FGD5: variants seen among roughly 807,000 people sequenced by gnomAD.
FGD5 encodes FYVE, RhoGEF and PH domain containing 5, also known as FYVE, RhoGEF and PH domain-containing protein 5.
FGD5 carries 28 observed loss-of-function variants against 133.4 expected under a neutral mutation model. The ratio of observed to expected loss-of-function variants is 0.21; its 90% CI spans 0.16 to 0.29. FGD5 has a LOEUF of 0.29. FGD5 is among the 10% of genes least tolerant of loss of function. FGD5 has a pLI of 1.00. For synonymous variants in FGD5, 810 were observed against 776.5 expected (o/e 1.04, Z -0.72); for missense variants, 1,858 against 1,895.2 (o/e 0.98, Z 0.36).
intron 11 of FGD5, among the ~76,000 whole-genome samples, chr3:14,914,062 C>T (rs1349465541): frequency 6.6e-6 from 1 of 152,190 alleles, no homozygotes; most frequent in Non-Finnish European, 1.5e-5. Flanking sequence ...AAGCTGGGTC[C>T]TCTTCTTCCT....
chr3:14,869,167 G>A (rs2037557123), intron 2 of FGD5, among the ~76,000 whole-genome samples: 1 of 152,142 alleles, frequency 6.6e-6, no homozygotes, highest in African/African-American at 2.4e-5. Context: ...GGTGGCACGT[G>A]CCTGTAGTCC....
In FGD5 at chr3:14,886,936, A is replaced by G. The variant is rs189112784; in HGVS notation, c.2748+6164A>G. ...AGTCCTTTTAAATTTACTTAAATGT[A>G]TTTTATGGCCCAGCATACGCCCTAG... On this transcript the variant is annotated intron_variant, in intron 4 of 19. Coordinates refer to ENST00000285046, the MANE Select transcript of FGD5 (RefSeq NM_152536.4). Among the ~76,000 whole-genome samples, 22 of 152,282 alleles carry G rather than the reference A, an allele frequency of 1.4e-4. No individual in the cohort carries two copies. The East Asian group carries it at 4.2e-3, about 29-fold the overall frequency.
Position 14,933,247 on chromosome 3 carries a change from TC to T in FGD5, c.*81del. On this transcript the variant is annotated 3_prime_UTR_variant, in exon 20 of 20. Coordinates refer to ENST00000285046, the MANE Select transcript of FGD5 (RefSeq NM_152536.4). ...TTTAGAAGCTAAGCTGTGGCTCAAC[TC>T]ATCCGGACACACACCTGGATTCAGC... The T allele has an allele frequency of 6.6e-7, 1 of 1,504,216 alleles. No homozygotes were observed. Among genetic ancestry groups the T allele is most frequent in the Non-Finnish European group, 9.1e-7 (1 of 1,095,470 alleles). 93.2% of individuals were successfully genotyped at this position (1,504,216 alleles called of 1,614,324 possible). A position where few individuals can be genotyped will look rare whatever the true frequency, so the allele number is the denominator to read the frequency against.
chr3:14,924,261 T>TC, intron 17 of FGD5, 123 bp downstream of exon 17: 1 of 1,446,134 alleles, frequency 6.9e-7, no homozygotes, highest in South Asian at 1.2e-5. Flanking sequence ...GACAGAGCAT[T>TC]CCTAATGGAA....
At chr3:14,928,483 G>T (rs945288412) in intron 18 of FGD5, among the ~76,000 whole-genome samples, 1 of 152,166 alleles carries the variant, frequency 6.6e-6, no homozygotes, top group African/African-American at 2.4e-5. Context: ...GGTGGCTCAT[G>T]CCTGTAATCC....
At chr3:14,877,855 T>G (rs1418297322) in intron 2 of FGD5, among the ~76,000 whole-genome samples, 1 of 152,050 alleles carries the variant, frequency 6.6e-6, no homozygotes, top group Non-Finnish European at 1.5e-5. Flanking sequence ...ATTGTCACAG[T>G]GGGGGTTGAG....
At position 14,819,918 on chromosome 3, in the gene FGD5, A is replaced by G. The variant is rs908802354; in HGVS notation, c.847A>G (p.Thr283Ala). 1.2e-6 allele frequency: 2 copies of G among 1,613,914 alleles called. No individual in the cohort carries two copies. Among genetic ancestry groups the G allele is most frequent in the Non-Finnish European group, 1.7e-6 (2 of 1,179,886 alleles). The change falls in exon 1 of 20, where the codon ACG (threonine) becomes GCG (alanine). Residue 283 changes from threonine to alanine, a missense_variant. Transcript: ENST00000285046. The surrounding 1 kb of genome is among the most constrained non-coding windows in gnomAD (Gnocchi z 4.1). ...EVLEEGCEEA[T>A]GVTGGEQVDL... ...TCTTGAGGAGGGATGTGAAGAGGCCACGGGTGTCACAGGTGGGGAACAGGT... is the reference window on the plus strand; with the variant it reads ...TCTTGAGGAGGGATGTGAAGAGGCCGCGGGTGTCACAGGTGGGGAACAGGT...
chr3:14,842,818 G>C (rs1338549428), intron 1 of FGD5, among the ~76,000 whole-genome samples: 2 of 152,186 alleles, frequency 1.3e-5, no homozygotes, highest in Non-Finnish European at 2.9e-5. Flanking sequence ...TGTCTTGCAA[G>C]TGTCTTGCTT....
intron 1 of FGD5, among the ~76,000 whole-genome samples, chr3:14,824,010 C>A (rs1012518411): frequency 6.6e-6 from 1 of 152,252 alleles, no homozygotes; most frequent in Non-Finnish European, 1.5e-5. Flanking sequence ...TTTGATGCTA[C>A]AGCCTAGGGC....
intron 1 of FGD5, among the ~76,000 whole-genome samples, chr3:14,830,339 G>C (rs2036682612): frequency 6.6e-6 from 1 of 152,148 alleles, no homozygotes; most frequent in Non-Finnish European, 1.5e-5. Flanking sequence ...ATCTGCAGCT[G>C]TTTCTTTTAG....
At chr3:14,904,179 C>T (rs780524138) in intron 9 of FGD5, among the ~76,000 whole-genome samples, 1 of 152,186 alleles carries the variant, frequency 6.6e-6, no homozygotes, top group Non-Finnish European at 1.5e-5. Flanking sequence ...TCTGTCTCAC[C>T]CCTGCCTTTT....
chr3:14,813,699 G>C (rs1377832434), intron 1 of FGD5, among the ~76,000 whole-genome samples: 1 of 151,724 alleles, frequency 6.6e-6, no homozygotes, highest in Non-Finnish European at 1.5e-5. Flanking sequence ...GGCCCGAAAA[G>C]GGGAAGGGAC....
At chr3:14,856,272 A>G (rs547148118) in intron 1 of FGD5, among the ~76,000 whole-genome samples, 5 of 152,008 alleles carry the variant, frequency 3.3e-5, no homozygotes, top group East Asian at 1.9e-4. Flanking sequence ...TTTGGTTACT[A>G]TAGCTTTGTA....
At chr3:14,822,171 A>G (rs2036518429) in intron 1 of FGD5, among the ~76,000 whole-genome samples, 1 of 152,204 alleles carries the variant, frequency 6.6e-6, no homozygotes. Context: ...AAAGCAGTGT[A>G]TAAGATGCCA....
chr3:14,848,551 G>T (rs901067802), intron 1 of FGD5, among the ~76,000 whole-genome samples: 4 of 152,118 alleles, frequency 2.6e-5, no homozygotes, highest in African/African-American at 9.7e-5. Flanking sequence ...TACAGGTTAG[G>T]CACCTCACTT....
chr3:14,908,921 AATTTATTTATTTATTT>A (rs748320275), intron 10 of FGD5, among the ~76,000 whole-genome samples: 1 of 149,854 alleles, frequency 6.7e-6, no homozygotes, highest in African/African-American at 2.4e-5. Context: ...ATAAAAAGGG[AATTTATTTATTTATTT>A]ATTTATTTAT....
Position 14,820,513 on chromosome 3 carries a change from G to A in FGD5, c.1442G>A (p.Arg481Lys). ...GCGGACAGGAAGAACACCAGCACGA[G>A]GGTCCGGCCCCACTCTGGGAAGGTG... ...VPADRKNTST[R>K]VRPHSGKVAG... Residue 481 changes from arginine (R) to lysine (K), a missense_variant, in exon 1 of 20, where the codon AGG becomes AAG. Physicochemically the swap from Arg to Lys is conservative, Grantham distance 26. Transcript: ENST00000285046. The A allele has an allele frequency of 6.2e-7, 1 of 1,613,992 alleles. No homozygotes were observed. The highest frequency in any genetic ancestry group is 1.6e-4 in the Middle Eastern group (1 of 6,062).
At chr3:14,894,301 G>A (rs1466438089) in intron 4 of FGD5, among the ~76,000 whole-genome samples, 3 of 151,962 alleles carry the variant, frequency 2.0e-5, no homozygotes, top group African/African-American at 7.3e-5. Context: ...CTTTTTTATG[G>A]CTGAATACTA....
At chr3:14,844,872 T>C (rs1447267757) in intron 1 of FGD5, among the ~76,000 whole-genome samples, 1 of 152,170 alleles carries the variant, frequency 6.6e-6, no homozygotes, top group African/African-American at 2.4e-5. Context: ...CTGGAAAGTC[T>C]TGCCCTCATC....
Sources: allele counts gnomAD v4.1 joint callset (sites outside exome capture counted in the v4.1 genomes callset), GRCh38; gene constraint gnomAD v4.1.1; non-coding constraint Gnocchi (gnomAD v3.1); transcripts MANE v1.5; gene names NCBI Gene and HGNC (gene_info 2026-07-23, HGNC 2026-07-21).